The following PDCD10 variants were observed in gnomAD, a reference collection of about 807,000 sequenced individuals.
The protein encoded by PDCD10 is programmed cell death protein 10.
A neutral mutation model predicts 29.2 loss-of-function variants in PDCD10; 4 were observed. The ratio of observed to expected loss-of-function variants is 0.14; its 90% CI spans 0.07 to 0.31. The LOEUF is 0.31. PDCD10 is among the 10% of genes least tolerant of loss of function. The probability of loss-of-function intolerance (pLI) is 1.00; values close to 1 mark genes in which losing one functional copy is unlikely to be tolerated. For synonymous variants in PDCD10, 70 were observed against 82.2 expected (o/e 0.85, Z 0.80); for missense variants, 183 against 257.9 (o/e 0.71, Z 1.99).
intron 3 of PDCD10, among the ~76,000 whole-genome samples, chr3:167,719,075 A>G (rs983144658): frequency 2.2e-5 from 3 of 137,018 alleles, no homozygotes; most frequent in Admixed American, 6.9e-5. Flanking sequence ...TTAAGATTAT[A>G]GAATAAAACT....
intron 4 of PDCD10, among the ~76,000 whole-genome samples, chr3:167,701,938 T>C (rs1237615534): frequency 1.3e-5 from 2 of 152,050 alleles, no homozygotes; most frequent in African/African-American, 4.8e-5. Context: ...AAGATATGGA[T>C]ATCAGAGAAA....
At position 167,711,511 on chromosome 3, in the gene PDCD10, C is replaced by A. The variant is rs534988535; in HGVS notation, c.97-6616G>T. ...TAAAAATAAGAATTAAACACTCCTA[C>A]AAGATCTAGAAAATAGTCTCAAAAT... is the stretch of plus-strand genomic sequence containing the variant. On this transcript the variant is annotated intron_variant, in intron 3 of 8. Transcript: ENST00000392750. Among the ~76,000 whole-genome samples the A allele has an allele frequency of 7.6e-4, 116 of 152,174 alleles. 1 individual carries two copies. The highest frequency in any genetic ancestry group is 3.4e-3 in the Middle Eastern group (1 of 294).
chr3:167,719,719 T>A (rs1319987421), intron 3 of PDCD10, among the ~76,000 whole-genome samples: 1 of 152,144 alleles, frequency 6.6e-6, no homozygotes, highest in African/African-American at 2.4e-5. Context: ...TGTCTCTTCT[T>A]AAGTGAGGCC....
chr3:167,685,877 C>T (rs1300393481), intron 8 of PDCD10, among the ~76,000 whole-genome samples: 1 of 152,158 alleles, frequency 6.6e-6, no homozygotes, highest in African/African-American at 2.4e-5. Flanking sequence ...GTGTATGGAA[C>T]ACCACCACAA....
chr3:167,733,618 C>T (rs1487200504), intron 2 of PDCD10, among the ~76,000 whole-genome samples: 2 of 152,072 alleles, frequency 1.3e-5, no homozygotes, highest in African/African-American at 4.8e-5. Flanking sequence ...TGCAAAATAC[C>T]TTCTTTTCTA....
intron 2 of PDCD10, among the ~76,000 whole-genome samples, chr3:167,720,656 A>G (rs1723474656): frequency 6.6e-6 from 1 of 152,130 alleles, no homozygotes; most frequent in Admixed American, 6.6e-5. Flanking sequence ...TATAATCAGG[A>G]AATGCATGAT....
intron 2 of PDCD10, among the ~76,000 whole-genome samples, chr3:167,729,885 G>A (rs1442938691): frequency 1.3e-5 from 2 of 152,102 alleles, no homozygotes; most frequent in African/African-American, 4.8e-5. Flanking sequence ...TAGTTCATAA[G>A]CTTGTTAATA....
chr3:167,719,265 AT>A (rs1425167643), intron 3 of PDCD10, among the ~76,000 whole-genome samples: 6 of 152,284 alleles, frequency 3.9e-5, no homozygotes, highest in African/African-American at 9.6e-5. Context: ...TAGCAAAAAA[AT>A]ATTAAAATTT....
chr3:167,686,011 A>G (rs1677213286), intron 8 of PDCD10, among the ~76,000 whole-genome samples: 1 of 152,226 alleles, frequency 6.6e-6, no homozygotes, highest in African/African-American at 2.4e-5. Context: ...TATTTTTATC[A>G]TTTTTAAATA....
chr3:167,696,883 C>A, intron 5 of PDCD10, 126 bp downstream of exon 5: 1 of 737,524 alleles, frequency 1.4e-6, no homozygotes, highest in Non-Finnish European at 2.5e-6. Context: ...CCACCATCAT[C>A]ATCATAAGTG....
intron 2 of PDCD10, among the ~76,000 whole-genome samples, chr3:167,733,117 C>A (rs1724985037): frequency 6.6e-6 from 1 of 152,118 alleles, no homozygotes. Context: ...AAAAGTGAAG[C>A]ACATTGTTGA....
intron 8 of PDCD10, among the ~76,000 whole-genome samples, chr3:167,685,910 G>A (rs1407399370): frequency 1.3e-5 from 2 of 152,124 alleles, no homozygotes; most frequent in African/African-American, 4.8e-5. Flanking sequence ...AATTTAGCTC[G>A]ATATCTCTAA....
At chr3:167,717,131 G>T (rs1274745722) in intron 3 of PDCD10, among the ~76,000 whole-genome samples, 1 of 151,962 alleles carries the variant, frequency 6.6e-6, no homozygotes, top group African/African-American at 2.4e-5. Flanking sequence ...TAAACAAGAA[G>T]CCTACTTCTT....
intron 8 of PDCD10, 41 bp downstream of exon 8, chr3:167,687,192 TC>T (rs774586738): frequency 3.0e-6 from 3 of 999,510 alleles, no homozygotes; most frequent in Non-Finnish European, 4.8e-6. Context: ...AACCACATAA[TC>T]TATTTAATTT....
chr3:167,726,738 A>T (rs577769845), intron 2 of PDCD10, among the ~76,000 whole-genome samples: 12 of 152,198 alleles, frequency 7.9e-5, no homozygotes, highest in Non-Finnish European at 1.5e-4. Context: ...AATCGATTGC[A>T]ACTAGGGTGA....
chr3:167,707,798 G>C (rs1391568897), intron 3 of PDCD10, among the ~76,000 whole-genome samples: 1 of 152,224 alleles, frequency 6.6e-6, no homozygotes, highest in Admixed American at 6.5e-5. Context: ...AATTGTGACT[G>C]CACCTTGCAT....
chr3:167,720,918 G>A (rs1723498315), intron 2 of PDCD10, among the ~76,000 whole-genome samples: 2 of 151,736 alleles, frequency 1.3e-5, no homozygotes, highest in African/African-American at 4.8e-5. Flanking sequence ...AAGAACTACA[G>A]AAATTGTTGT....
intron 4 of PDCD10, among the ~76,000 whole-genome samples, chr3:167,700,551 T>C (rs1308045696): frequency 3.9e-5 from 6 of 152,092 alleles, no homozygotes; most frequent in African/African-American, 1.4e-4. Flanking sequence ...TACAAAAACC[T>C]TGCATGTTTT....
At chr3:167,706,666 A>G (rs1722004753) in intron 3 of PDCD10, among the ~76,000 whole-genome samples, 1 of 152,216 alleles carries the variant, frequency 6.6e-6, no homozygotes, top group Admixed American at 6.5e-5. Flanking sequence ...CCATCTACCA[A>G]TGACTGAAAT....
Sources: allele counts gnomAD v4.1 joint callset (sites outside exome capture counted in the v4.1 genomes callset), GRCh38; gene constraint gnomAD v4.1.1; transcripts MANE v1.5; gene names NCBI Gene and HGNC (gene_info 2026-07-23, HGNC 2026-07-21).